The following SMG1 variants were observed in gnomAD, a reference collection of about 807,000 sequenced individuals.
The protein encoded by SMG1 is SMG1 nonsense mediated mRNA decay associated PI3K related kinase, also known as serine/threonine-protein kinase SMG1.
SMG1 carries 22 observed loss-of-function variants against 419.9 expected under a neutral mutation model. The observed-to-expected ratio is 0.05, with a 90% CI of 0.04 to 0.07. The LOEUF is 0.07. Among genes scored for constraint, SMG1 ranks in the 10% least tolerant of loss-of-function variants. SMG1 has a pLI of 1.00. For missense variants in SMG1, 3,185 were observed against 4,342.0 expected, an observed-to-expected ratio of 0.73 and a Z score of 7.49; for synonymous variants, 1,538 against 1,553.5, an observed-to-expected ratio of 0.99 and a Z score of 0.23.
At chr16:18,827,381 G>C (rs2032765375) in intron 55 of SMG1, among the ~76,000 whole-genome samples, 1 of 150,414 alleles carries the variant, frequency 6.6e-6, no homozygotes, top group Admixed American at 6.6e-5. Context: ...AGGTGAGATA[G>C]TGCCACTGCA....
At chr16:18,886,844 A>G (rs2036633399) in intron 6 of SMG1, among the ~76,000 whole-genome samples, 1 of 152,096 alleles carries the variant, frequency 6.6e-6, no homozygotes, top group African/African-American at 2.4e-5. Context: ...GCAATAGCCA[A>G]TGTTATAATC....
chr16:18,868,768 T>C (rs933574274), intron 20 of SMG1, 49 bp from the exon 21 acceptor site: 18 of 808,944 alleles, frequency 2.2e-5, no homozygotes, highest in African/African-American at 1.9e-4. Flanking sequence ...TAAAAGTTCC[T>C]AGAATAAGTG....
At chr16:18,858,992 A>G in intron 28 of SMG1, 30 bp downstream of exon 28, 6 of 1,372,552 alleles carry the variant, frequency 4.4e-6, no homozygotes, top group Non-Finnish European at 5.9e-6. Context: ...ATTAATAGTC[A>G]TAAGAGTGTG....
intron 25 of SMG1, among the ~76,000 whole-genome samples, chr16:18,862,280 C>T (rs938520372): frequency 3.9e-5 from 6 of 152,010 alleles, no homozygotes; most frequent in Non-Finnish European, 7.4e-5. Context: ...TTTGAATGGC[C>T]TCCTCTTCTA....
At chr16:18,867,579 A>G (rs1180204342) in intron 22 of SMG1, among the ~76,000 whole-genome samples, 2 of 151,086 alleles carry the variant, frequency 1.3e-5, no homozygotes, top group East Asian at 1.9e-4. Context: ...TTTATCCCAT[A>G]AACAAATTTT....
At chr16:18,848,085 A>AT in intron 36 of SMG1, 52 bp from the exon 37 acceptor site, 1 of 1,470,564 alleles carries the variant, frequency 6.8e-7, no homozygotes, top group Non-Finnish European at 9.5e-7. Context: ...TCCCATGTGC[A>AT]TATGCTAGGT....
intron 1 of SMG1, among the ~76,000 whole-genome samples, chr16:18,901,909 C>T (rs549519031): frequency 1.3e-3 from 194 of 145,294 alleles, no homozygotes; most frequent in African/African-American, 4.7e-3. Flanking sequence ...CATGCCACTG[C>T]ACTCCAGCCT....
intron 38 of SMG1, among the ~76,000 whole-genome samples, chr16:18,846,477 T>C (rs981374361): frequency 1.5e-4 from 23 of 152,106 alleles, no homozygotes; most frequent in African/African-American, 4.8e-4. Context: ...ATCATGTATC[T>C]GATAAGGGTT....
intron 1 of SMG1, among the ~76,000 whole-genome samples, chr16:18,918,233 A>T (rs2038053383): frequency 6.6e-6 from 1 of 152,118 alleles, no homozygotes; most frequent in African/African-American, 2.4e-5. Flanking sequence ...ATTGTGCTCC[A>T]GCCTGGGCAA....
intron 13 of SMG1, among the ~76,000 whole-genome samples, chr16:18,873,023 A>T (rs2035909242): frequency 6.6e-6 from 1 of 151,992 alleles, no homozygotes; most frequent in African/African-American, 2.4e-5. Flanking sequence ...GCATGGTGGC[A>T]TACACTTGTA....
In SMG1 at chr16:18,805,408, C is replaced by T. The variant is rs1040536883; in HGVS notation, c.*4161G>A. The T allele has an allele frequency of 1.3e-5, 2 of 152,134 alleles. No individual in the cohort carries two copies. Among genetic ancestry groups the T allele is most frequent in the Non-Finnish European group, 2.9e-5 (2 of 68,012 alleles). 9.4% of individuals were successfully genotyped at this position (152,134 alleles called of 1,614,324 possible). A position where few individuals can be genotyped will look rare whatever the true frequency, so the allele number is the denominator to read the frequency against. Reference sequence around the variant, plus strand: ...ACTTTTACATTAGCACAACAAACAGCTTTTTCTAAGTCTAGCCAAGTTCCC... The same window carrying T: ...ACTTTTACATTAGCACAACAAACAGTTTTTTCTAAGTCTAGCCAAGTTCCC... On this transcript the variant is annotated 3_prime_UTR_variant, in exon 63 of 63. Coordinates refer to ENST00000446231, the MANE Select transcript of SMG1 (RefSeq NM_015092.5).
At chr16:18,882,387 T>TAAAA (rs374027459) in intron 9 of SMG1, 49 bp from the exon 10 acceptor site, 9 of 714,444 alleles carry the variant, frequency 1.3e-5, no homozygotes, top group South Asian at 4.5e-5. Context: ...TTGTTTTAAA[T>TAAAA]AAAAAAAAAA....
At chr16:18,838,983 CTTTT>C (rs961532116) in intron 42 of SMG1, among the ~76,000 whole-genome samples, 4 of 151,412 alleles carry the variant, frequency 2.6e-5, no homozygotes, top group Admixed American at 6.6e-5. Context: ...ATTTTTTATT[CTTTT>C]TTTTGTTTTG....
intron 1 of SMG1, among the ~76,000 whole-genome samples, chr16:18,924,488 T>C (rs547372375): frequency 3.3e-5 from 5 of 152,340 alleles, no homozygotes; most frequent in East Asian, 1.9e-4. Context: ...CATTGTCATT[T>C]ATTTACCACC....
At chr16:18,857,076 A>G (rs1489083168) in intron 29 of SMG1, 4 of 152,216 alleles carry the variant, frequency 2.6e-5, no homozygotes, top group East Asian at 1.9e-4. Context: ...AGGTTCCTCA[A>G]TTTGCAAACA....
intron 51 of SMG1, among the ~76,000 whole-genome samples, chr16:18,832,584 A>G (rs4046192): frequency 0.04 from 1,547 of 38,810 alleles, 13 homozygotes; most frequent in South Asian, 0.099. Flanking sequence ...ATACACTTGC[A>G]CACACACACA....
intron 6 of SMG1, among the ~76,000 whole-genome samples, chr16:18,887,095 CTG>C (rs1003023499): frequency 4.6e-5 from 7 of 152,086 alleles, no homozygotes; most frequent in African/African-American, 1.2e-4. Flanking sequence ...GAAAATAAAA[CTG>C]TGGCAAAATA....
chr16:18,909,160 T>C (rs7204193), intron 1 of SMG1, among the ~76,000 whole-genome samples: 10,615 of 149,870 alleles, frequency 0.071, 375 homozygotes, highest in African/African-American at 0.095. Flanking sequence ...CTGGCCAACA[T>C]GGAGAAATCC....
At chr16:18,866,846 G>A (rs2035538857) in intron 22 of SMG1, 71 bp from the exon 23 acceptor site, 14 of 1,353,770 alleles carry the variant, frequency 1.0e-5, no homozygotes, top group Non-Finnish European at 1.3e-5. Flanking sequence ...ATTTACAACT[G>A]ATCAGTCTGT....
Sources: allele counts gnomAD v4.1 joint callset (sites outside exome capture counted in the v4.1 genomes callset), GRCh38; gene constraint gnomAD v4.1.1; transcripts MANE v1.5; gene names NCBI Gene and HGNC (gene_info 2026-07-23, HGNC 2026-07-21).